The following TRAK1 variants were observed in gnomAD, a reference collection of about 807,000 sequenced individuals.
TRAK1 encodes the protein trafficking kinesin-binding protein 1.
A neutral mutation model predicts 92.1 loss-of-function variants in TRAK1; 33 were observed. The observed-to-expected ratio is 0.36, with a 90% CI of 0.27 to 0.48. The LOEUF is 0.48. TRAK1 is among the 20% of genes least tolerant of loss of function. The pLI is 0.99. For synonymous variants in TRAK1, 521 were observed against 517.3 expected (o/e 1.01, Z -0.10); for missense variants, 1,123 against 1,257.9 (o/e 0.89, Z 1.62).
intron 4 of TRAK1, among the ~76,000 whole-genome samples, chr3:42,186,061 C>T (rs1704802639): frequency 6.8e-6 from 1 of 146,318 alleles, no homozygotes; most frequent in Non-Finnish European, 1.5e-5. Context: ...CAGCTCACTG[C>T]AGCCTTGACC....
At chr3:42,075,814 C>T (rs889037904) in intron 1 of TRAK1, among the ~76,000 whole-genome samples, 1 of 151,308 alleles carries the variant, frequency 6.6e-6, no homozygotes, top group African/African-American at 2.4e-5. Context: ...CTGTTCATGG[C>T]CTTTGCCCAT....
In TRAK1 at chr3:42,093,414, C is replaced by T. The variant is rs188176302; in HGVS notation, c.91+1854C>T. Among the ~76,000 whole-genome samples the T allele has an allele frequency of 5.1e-3, 777 of 152,082 alleles. 4 individuals carry two copies. The highest frequency in any genetic ancestry group is 8.4e-3 in the Non-Finnish European group (570 of 68,002). On this transcript the variant is annotated intron_variant, in intron 1 of 15. Coordinates refer to ENST00000327628, the MANE Select transcript of TRAK1 (RefSeq NM_001042646.3). Reference sequence around the variant, plus strand: ...CAGCTAATCTTCCTACCCTTCAGTTCCCTTATGACTAGGTGAGTAGGTAGA... The same window carrying T: ...CAGCTAATCTTCCTACCCTTCAGTTTCCTTATGACTAGGTGAGTAGGTAGA...
chr3:42,073,932 T>C (rs1704040799), intron 1 of TRAK1, among the ~76,000 whole-genome samples: 1 of 152,174 alleles, frequency 6.6e-6, no homozygotes, highest in South Asian at 2.1e-4. Flanking sequence ...AGCTGGAGTA[T>C]GCATATTTCA....
chr3:42,095,288 CAG>C (rs2148987511), intron 1 of TRAK1, among the ~76,000 whole-genome samples: 1 of 152,202 alleles, frequency 6.6e-6, no homozygotes, highest in East Asian at 1.9e-4. Context: ...TGAGGAGGCA[CAG>C]AGTAGGCAGC....
intron 6 of TRAK1, 134 bp from the exon 7 acceptor site, chr3:42,191,424 G>C (rs181656872): frequency 3.1e-6 from 2 of 648,246 alleles, no homozygotes; most frequent in African/African-American, 1.9e-5. Context: ...TTGAGGGTAC[G>C]ATGGGTGACA....
intron 14 of TRAK1, chr3:42,211,077 C>T: frequency 1.0e-6 from 1 of 985,400 alleles, no homozygotes; most frequent in Non-Finnish European, 1.2e-6. Flanking sequence ...ATGAATTAAC[C>T]CTGTGTTGTC....
intron 4 of TRAK1, among the ~76,000 whole-genome samples, chr3:42,186,086 G>T (rs1016778278): frequency 6.9e-6 from 1 of 144,130 alleles, no homozygotes; most frequent in African/African-American, 2.6e-5. Context: ...GGATTCAAGC[G>T]ATCCTCCCAC....
intron 1 of TRAK1, among the ~76,000 whole-genome samples, chr3:42,019,118 A>G (rs1026571285): frequency 9.9e-5 from 15 of 152,072 alleles, no homozygotes; most frequent in African/African-American, 3.6e-4. Flanking sequence ...ATTAAAAAAG[A>G]AAAAGAAAAA....
chr3:42,161,845 G>A (rs902035868), intron 2 of TRAK1, among the ~76,000 whole-genome samples: 2 of 152,120 alleles, frequency 1.3e-5, no homozygotes, highest in South Asian at 4.1e-4. Context: ...GAGGAGTGAC[G>A]GGATTGAGGA....
chr3:42,150,725 CAG>C (rs775608786), intron 2 of TRAK1, among the ~76,000 whole-genome samples: 41 of 152,250 alleles, frequency 2.7e-4, no homozygotes, highest in Non-Finnish European at 4.7e-4. Flanking sequence ...AAGGCTTTCT[CAG>C]GGGATGGTAT....
chr3:42,107,613 G>A (rs1280979131), intron 1 of TRAK1, among the ~76,000 whole-genome samples: 1 of 152,060 alleles, frequency 6.6e-6, no homozygotes, highest in Non-Finnish European at 1.5e-5. Flanking sequence ...GAGGGAGATG[G>A]GTGAGATTAA....
At chr3:42,016,850 T>G (rs775768875) in intron 1 of TRAK1, among the ~76,000 whole-genome samples, 1 of 152,184 alleles carries the variant, frequency 6.6e-6, no homozygotes, top group East Asian at 1.9e-4. Flanking sequence ...AGATATTCAG[T>G]AAAGCCTTTT....
chr3:42,172,881 C>G (rs1338250040), intron 2 of TRAK1, among the ~76,000 whole-genome samples: 1 of 152,212 alleles, frequency 6.6e-6, no homozygotes, highest in Non-Finnish European at 1.5e-5. Context: ...CACGGTGGGT[C>G]ATGCCTGTAA....
intron 1 of TRAK1, among the ~76,000 whole-genome samples, chr3:42,122,134 G>A (rs1433554070): frequency 6.6e-6 from 1 of 152,080 alleles, no homozygotes; most frequent in Non-Finnish European, 1.5e-5. Context: ...TTTTTAAAAA[G>A]GCATTTTTTC....
At chr3:42,073,852 C>T (rs1230853231) in intron 1 of TRAK1, among the ~76,000 whole-genome samples, 1 of 152,206 alleles carries the variant, frequency 6.6e-6, no homozygotes, top group Admixed American at 6.5e-5. Flanking sequence ...GAACAGACCT[C>T]TTTGCATGGT....
intron 2 of TRAK1, chr3:42,160,561 T>C: frequency 2.9e-6 from 4 of 1,361,796 alleles, no homozygotes; most frequent in Admixed American, 2.6e-5. Flanking sequence ...TAGCACTGTT[T>C]TGTTTTTGTT....
At chr3:42,182,747 G>C (rs1704195070) in intron 3 of TRAK1, among the ~76,000 whole-genome samples, 1 of 152,226 alleles carries the variant, frequency 6.6e-6, no homozygotes, top group African/African-American at 2.4e-5. Context: ...TTGACCTCAA[G>C]TGCTGCGCTC....
intron 1 of TRAK1, among the ~76,000 whole-genome samples, chr3:42,110,687 G>A (rs1708270259): frequency 6.6e-6 from 1 of 152,186 alleles, no homozygotes; most frequent in South Asian, 2.1e-4. Context: ...AGGGAGTAGA[G>A]GAGTAGAAGA....
chr3:42,222,229 C>T (rs1258025909), intron 15 of TRAK1, among the ~76,000 whole-genome samples: 1 of 152,156 alleles, frequency 6.6e-6, no homozygotes, highest in East Asian at 1.9e-4. Context: ...CTGGGTAGCA[C>T]CGTTGATGTA....
Sources: allele counts gnomAD v4.1 joint callset (sites outside exome capture counted in the v4.1 genomes callset), GRCh38; gene constraint gnomAD v4.1.1; transcripts MANE v1.5; gene names NCBI Gene and HGNC (gene_info 2026-07-23, HGNC 2026-07-21).